FBXL20: variants seen among roughly 807,000 people sequenced by gnomAD.
FBXL20 encodes F-box and leucine rich repeat protein 20.
Under a neutral mutation model 64.0 loss-of-function variants are expected in FBXL20, and 11 were observed. The observed-to-expected ratio is 0.17, with a 90% CI of 0.11 to 0.28. The LOEUF (loss-of-function observed/expected upper bound fraction) is 0.28. Ranked by LOEUF, FBXL20 falls within the 10% of genes least tolerant of loss-of-function variation. The pLI is 1.00. For synonymous variants in FBXL20, 184 were observed against 189.0 expected, an observed-to-expected ratio of 0.97 and a Z score of 0.22; for missense variants, 303 against 526.2, an observed-to-expected ratio of 0.58 and a Z score of 4.15.
At chr17:39,316,949 A>C (rs2047298975) in intron 2 of FBXL20, among the ~76,000 whole-genome samples, 1 of 152,252 alleles carries the variant, frequency 6.6e-6, no homozygotes, top group Non-Finnish European at 1.5e-5. Context: ...AGATTGCGCC[A>C]CTGTGCTCCA....
At chr17:39,365,253 G>GT (rs1008612806) in intron 1 of FBXL20, among the ~76,000 whole-genome samples, 5 of 152,132 alleles carry the variant, frequency 3.3e-5, no homozygotes, top group Admixed American at 6.5e-5. Flanking sequence ...AACACCAGAT[G>GT]TTTTTTCCAG....
chr17:39,278,491 T>C (rs996487777), intron 9 of FBXL20, among the ~76,000 whole-genome samples: 1 of 151,336 alleles, frequency 6.6e-6, no homozygotes, highest in Non-Finnish European at 1.5e-5. Context: ...CATTTTAAGA[T>C]AATGATTTCA....
chr17:39,401,996 G>A, upstream of FBXL20: 1 of 521,134 alleles, frequency 1.9e-6, no homozygotes, highest in Non-Finnish European at 2.9e-6. Context: ...CTGCGCGGGG[G>A]CCCCTCTTCT....
chr17:39,334,708 C>T (rs893572048), intron 2 of FBXL20, among the ~76,000 whole-genome samples: 1 of 152,124 alleles, frequency 6.6e-6, no homozygotes, highest in African/African-American at 2.4e-5. Context: ...TCTGAAACCG[C>T]ATGTTATAAC....
intron 1 of FBXL20, among the ~76,000 whole-genome samples, chr17:39,359,505 A>G (rs2047774155): frequency 6.6e-6 from 1 of 152,110 alleles, no homozygotes; most frequent in African/African-American, 2.4e-5. Context: ...CCGGAGGCTG[A>G]AGCAGGAGAA....
chr17:39,295,127 T>C (rs2047073043), intron 6 of FBXL20, among the ~76,000 whole-genome samples: 1 of 152,196 alleles, frequency 6.6e-6, no homozygotes, highest in Non-Finnish European at 1.5e-5. Context: ...CAAGACTGGC[T>C]GTAAACTGGT....
chr17:39,371,315 T>TA (rs1398148697), intron 1 of FBXL20, among the ~76,000 whole-genome samples: 1 of 152,184 alleles, frequency 6.6e-6, no homozygotes, highest in Non-Finnish European at 1.5e-5. Context: ...AATCAAAACT[T>TA]ATAGGCATGA....
At chr17:39,315,557 C>A (rs1288716244) in intron 2 of FBXL20, among the ~76,000 whole-genome samples, 1 of 151,488 alleles carries the variant, frequency 6.6e-6, no homozygotes, top group Non-Finnish European at 1.5e-5. Context: ...GAGGCTTGAA[C>A]AATACGTCGG....
At chr17:39,339,165 CAAAAAAAAA>C (rs59901064) in intron 2 of FBXL20, among the ~76,000 whole-genome samples, 1 of 68,030 alleles carries the variant, frequency 1.5e-5, no homozygotes, top group Admixed American at 1.7e-4. Flanking sequence ...GACCCTGTCT[CAAAAAAAAA>C]AAAAAAAAAA....
At chr17:39,298,937 T>A (rs1279477794) in intron 5 of FBXL20, 53 bp downstream of exon 5, 1 of 1,424,942 alleles carries the variant, frequency 7.0e-7, no homozygotes, top group Admixed American at 1.8e-5. Flanking sequence ...CTGGGTGAGA[T>A]GGTGCTGCTC....
intron 2 of FBXL20, among the ~76,000 whole-genome samples, chr17:39,332,495 T>C (rs906186918): frequency 1.2e-4 from 18 of 152,052 alleles, no homozygotes; most frequent in African/African-American, 4.3e-4. Context: ...CCTACACATT[T>C]TACCTGTGCA....
chr17:39,356,647 C>A (rs1021405181), intron 1 of FBXL20, among the ~76,000 whole-genome samples: 1 of 151,740 alleles, frequency 6.6e-6, no homozygotes, highest in Non-Finnish European at 1.5e-5. Flanking sequence ...TGAGCCCCTG[C>A]GCTCGGCCTA....
chr17:39,379,179 C>T (rs904708843), intron 1 of FBXL20, among the ~76,000 whole-genome samples: 3 of 149,424 alleles, frequency 2.0e-5, no homozygotes, highest in Non-Finnish European at 4.4e-5. Flanking sequence ...TGAGCCGACT[C>T]CAGCCTGGGC....
chr17:39,378,863 G>A (rs187191716), intron 1 of FBXL20, among the ~76,000 whole-genome samples: 7,858 of 150,900 alleles, frequency 0.052, 666 homozygotes, highest in African/African-American at 0.18. Context: ...CGCCTGCCTC[G>A]GCCTCTCAAA....
intron 1 of FBXL20, among the ~76,000 whole-genome samples, chr17:39,375,663 C>T (rs4794808): frequency 0.21 from 32,461 of 152,090 alleles, 3,977 homozygotes; most frequent in African/African-American, 0.33. Flanking sequence ...ATAAATATTA[C>T]GTATCAATTT....
intron 12 of FBXL20, among the ~76,000 whole-genome samples, chr17:39,266,031 C>A (rs1388514715): frequency 1.3e-5 from 2 of 150,198 alleles, no homozygotes; most frequent in Non-Finnish European, 3.0e-5. Flanking sequence ...CAGGTGTGAA[C>A]CACTGCATGT....
chr17:39,359,573 G>A (rs956965670), intron 1 of FBXL20, among the ~76,000 whole-genome samples: 5 of 151,866 alleles, frequency 3.3e-5, no homozygotes, highest in South Asian at 2.1e-4. Context: ...ACTGCACTCC[G>A]GCCTGGGCAA....
chr17:39,401,989 C>A (rs1165907832), upstream of FBXL20: 10 of 504,414 alleles, frequency 2.0e-5, no homozygotes, highest in African/African-American at 1.4e-4. Context: ...CCGCACTCTG[C>A]GCGGGGGCCC....
chr17:39,274,915 G>T, intron 10 of FBXL20, 55 bp downstream of exon 10: 2 of 1,605,398 alleles, frequency 1.2e-6, no homozygotes, highest in South Asian at 1.1e-5. Context: ...GAAGAAATAT[G>T]GGTGAAGGAA....
Sources: gnomAD v4.1 joint callset for allele counts (sites outside exome capture counted in the v4.1 genomes callset) on GRCh38, gnomAD v4.1.1 for gene constraint, MANE v1.5 for transcripts, NCBI Gene and HGNC (gene_info 2026-07-23, HGNC 2026-07-21) for gene names.